NOX4: variants seen among roughly 807,000 people sequenced by gnomAD.
The protein encoded by NOX4 is NADPH oxidase 4.
A neutral mutation model predicts 87.6 loss-of-function variants in NOX4; 69 were observed. The ratio of observed to expected loss-of-function variants is 0.79; its 90% CI spans 0.65 to 0.96. The LOEUF (loss-of-function observed/expected upper bound fraction) is 0.96. NOX4 is among the 40% of genes least tolerant of loss of function. NOX4 has a pLI of 0.00. For synonymous variants in NOX4, 275 were observed against 238.2 expected (o/e 1.15, Z -1.42); for missense variants, 680 against 681.5 (o/e 1.00, Z 0.02).
At chr11:89,392,622 T>C (rs974217278) in intron 11 of NOX4, among the ~76,000 whole-genome samples, 3 of 152,176 alleles carry the variant, frequency 2.0e-5, no homozygotes, top group Admixed American at 6.5e-5. Context: ...ATTTTAATTA[T>C]TGATGAACGT....
At chr11:89,373,088 T>C (rs953414371) in intron 12 of NOX4, among the ~76,000 whole-genome samples, 11 of 151,898 alleles carry the variant, frequency 7.2e-5, no homozygotes, top group Admixed American at 1.3e-4. Context: ...GTTGATTATT[T>C]TGACTCATGT....
chr11:89,508,368 G>A, the NOX4 span, among the ~76,000 whole-genome samples: 1 of 152,064 alleles, frequency 6.6e-6, no homozygotes, highest in African/African-American at 2.4e-5. Context: ...GTGTACTTTT[G>A]TTCAGAGCTT....
intron 17 of NOX4, among the ~76,000 whole-genome samples, chr11:89,334,282 G>A (rs1945606693): frequency 6.6e-6 from 1 of 151,706 alleles, no homozygotes; most frequent in African/African-American, 2.4e-5. Flanking sequence ...GGGAAAGGAA[G>A]ATAGCCAAAA....
intron 11 of NOX4, among the ~76,000 whole-genome samples, chr11:89,378,356 T>C (rs1940018014): frequency 6.6e-6 from 1 of 152,198 alleles, no homozygotes; most frequent in Non-Finnish European, 1.5e-5. Context: ...CCAGTAACTG[T>C]TCAAGGCTTA....
chr11:89,391,542 G>A (rs1941121001), intron 11 of NOX4, among the ~76,000 whole-genome samples: 1 of 151,916 alleles, frequency 6.6e-6, no homozygotes, highest in African/African-American at 2.4e-5. Flanking sequence ...TATTGTTTGA[G>A]GCTAGGAGGT....
rs1590961733 is a variant in NOX4, at chr11:89,340,181, GA to G, written c.1338-11del. 2.6e-6 allele frequency: 4 copies of G among 1,516,996 alleles called. No individual in the cohort carries two copies. The highest frequency in any genetic ancestry group is 3.6e-6 in the Non-Finnish European group (4 of 1,101,182). The allele number at this position is 1,516,996 out of a possible 1,614,324, so 94.0% of individuals were successfully genotyped here. A position where few individuals can be genotyped will look rare whatever the true frequency, so the allele number is the denominator to read the frequency against. ...TGGTTTCCAGTCATCCCTTTAAAATGAAAATAACATGATAGTGATTAGGATG... is the reference window on the plus strand; with the variant it reads ...TGGTTTCCAGTCATCCCTTTAAAATGAAATAACATGATAGTGATTAGGATG... On this transcript the variant is annotated splice_polypyrimidine_tract_variant and intron_variant, in intron 14 of 17. Coordinates refer to ENST00000263317, the MANE Select transcript of NOX4 (RefSeq NM_016931.5).
At chr11:89,567,699 C>G in the NOX4 span, among the ~76,000 whole-genome samples, 1 of 152,162 alleles carries the variant, frequency 6.6e-6, no homozygotes, top group African/African-American at 2.4e-5. Flanking sequence ...GATCTAATCA[C>G]CTCCCATGAG....
chr11:89,514,760 T>A, the NOX4 span, among the ~76,000 whole-genome samples: 23 of 151,990 alleles, frequency 1.5e-4, no homozygotes, highest in African/African-American at 4.6e-4. Flanking sequence ...TGATGATGCA[T>A]TACATTGATT....
At chr11:89,551,393 A>G in the NOX4 span, among the ~76,000 whole-genome samples, 1 of 152,188 alleles carries the variant, frequency 6.6e-6, no homozygotes, top group Non-Finnish European at 1.5e-5. Flanking sequence ...TACTTTGGGC[A>G]GTATGGCCAT....
the NOX4 span, among the ~76,000 whole-genome samples, chr11:89,538,328 T>C: frequency 6.6e-6 from 1 of 152,260 alleles, no homozygotes; most frequent in Non-Finnish European, 1.5e-5. Flanking sequence ...GTGTCCTGAA[T>C]AGAAATCTCC....
At chr11:89,499,157 C>T (rs1946991411), upstream of NOX4, 1 of 152,140 alleles carries the variant, frequency 6.6e-6, no homozygotes, top group Admixed American at 6.6e-5. Context: ...GGGCAGTTTA[C>T]TATGGGTCAT....
the NOX4 span, among the ~76,000 whole-genome samples, chr11:89,512,970 A>C: frequency 3.9e-5 from 6 of 152,254 alleles, no homozygotes; most frequent in Middle Eastern, 3.4e-3. Flanking sequence ...TTGAGGAAGT[A>C]AGCTATTTAA....
chr11:89,377,747 A>T (rs1939964075), intron 11 of NOX4, among the ~76,000 whole-genome samples: 1 of 152,188 alleles, frequency 6.6e-6, no homozygotes. Flanking sequence ...GCAACTTTTC[A>T]AAAACTAAAT....
the NOX4 span, among the ~76,000 whole-genome samples, chr11:89,569,644 C>T: frequency 6.6e-6 from 1 of 152,084 alleles, no homozygotes; most frequent in East Asian, 1.9e-4. Context: ...GGAGATTTCT[C>T]AAAGAACTTA....
upstream of NOX4, among the ~76,000 whole-genome samples, chr11:89,492,538 T>G (rs762687911): frequency 4.6e-5 from 7 of 152,226 alleles, no homozygotes; most frequent in Non-Finnish European, 8.8e-5. Flanking sequence ...GTCCTCAGTT[T>G]TAAAAATCAA....
intron 13 of NOX4, among the ~76,000 whole-genome samples, chr11:89,345,758 A>G (rs1946189808): frequency 6.6e-6 from 1 of 152,202 alleles, no homozygotes; most frequent in Non-Finnish European, 1.5e-5. Context: ...CCTTTATGGT[A>G]AAAACCCTCA....
chr11:89,523,857 TAAAA>T, the NOX4 span, among the ~76,000 whole-genome samples: 536 of 152,242 alleles, frequency 3.5e-3, 3 homozygotes, highest in African/African-American at 0.012. Context: ...ATTATATGGA[TAAAA>T]GAAAGTAGAC....
At chr11:89,442,607 T>C (rs1026819945) in intron 5 of NOX4, among the ~76,000 whole-genome samples, 3 of 152,146 alleles carry the variant, frequency 2.0e-5, no homozygotes, top group Non-Finnish European at 2.9e-5. Flanking sequence ...AAGGAATATA[T>C]ACCATAAAAT....
At chr11:89,468,569 C>T (rs1247481499) in intron 2 of NOX4, among the ~76,000 whole-genome samples, 1 of 152,146 alleles carries the variant, frequency 6.6e-6, no homozygotes, top group Admixed American at 6.5e-5. Context: ...GTTTTCTTCA[C>T]ATGAATTTCC....
Sources: allele counts gnomAD v4.1 joint callset (sites outside exome capture counted in the v4.1 genomes callset), GRCh38; gene constraint gnomAD v4.1.1; transcripts MANE v1.5; gene names NCBI Gene and HGNC (gene_info 2026-07-23, HGNC 2026-07-21).